GLIS1: variants seen among roughly 807,000 people sequenced by gnomAD.
GLIS1 encodes zinc finger protein GLIS1.
In GLIS1, 24 loss-of-function variants were observed where a neutral mutation model predicts 63.8. The observed-to-expected ratio is 0.38, with a 90% CI of 0.27 to 0.53. The LOEUF is 0.53. Ranked by LOEUF, GLIS1 falls within the 20% of genes least tolerant of loss-of-function variation. The pLI is 0.85. For missense variants in GLIS1, 1,036 were observed against 1,074.1 expected, an observed-to-expected ratio of 0.96 and a Z score of 0.50; for synonymous variants, 450 against 482.5, an observed-to-expected ratio of 0.93 and a Z score of 0.88.
At chr1:53,589,721 C>A (rs1010210839) in intron 4 of GLIS1, among the ~76,000 whole-genome samples, 7 of 152,176 alleles carry the variant, frequency 4.6e-5, no homozygotes, top group South Asian at 2.1e-4. Context: ...AGGATGAAAA[C>A]CCGGCCCGAG....
chr1:53,623,876 C>G (rs1391187101), intron 2 of GLIS1, among the ~76,000 whole-genome samples: 1 of 152,168 alleles, frequency 6.6e-6, no homozygotes, highest in Non-Finnish European at 1.5e-5. Context: ...AGACCTTTCA[C>G]TGCTACTGAG....
intron 2 of GLIS1, among the ~76,000 whole-genome samples, chr1:53,633,301 G>A (rs1171224801): frequency 1.3e-5 from 2 of 149,318 alleles, no homozygotes; most frequent in African/African-American, 5.0e-5. Context: ...AGGGGCGTGT[G>A]AATGAGTGTG....
intron 2 of GLIS1, among the ~76,000 whole-genome samples, chr1:53,730,617 G>C (rs1052761581): frequency 2.6e-5 from 4 of 152,240 alleles, no homozygotes; most frequent in South Asian, 2.1e-4. Flanking sequence ...TGGGCTGTAC[G>C]GCAGGCAGGG....
At chr1:53,678,763 G>A (rs1211922891) in intron 2 of GLIS1, among the ~76,000 whole-genome samples, 2 of 152,216 alleles carry the variant, frequency 1.3e-5, no homozygotes, top group Non-Finnish European at 2.9e-5. Context: ...CAGAGCAAGA[G>A]TGAGGCCTCA....
In GLIS1 at chr1:53,529,884, G is replaced by A. The variant is rs766168379; in HGVS notation, c.1389C>T (p.Gly463=). The A allele has an allele frequency of 3.4e-5, 55 of 1,613,746 alleles. No individual in the cohort carries two copies. The highest frequency in any genetic ancestry group is 2.9e-4 in the East Asian group (13 of 44,876). The change falls in exon 5 of 11, where the codon GGC becomes GGT. Residue 463 remains glycine, a synonymous_variant. Coordinates refer to ENST00000628545, the MANE Select transcript of GLIS1 (RefSeq NM_001367484.1). ...NLKIHLRSHT[G]EKPYLCQHPG... is the part of the protein sequence containing the mutation. ...GGTGCTGGCACAGGTACGGCTTCTC[G>A]CCCGTGTGGCTCCTCAGGTGGATCT...
At chr1:53,687,423 C>G (rs1363471670) in intron 2 of GLIS1, among the ~76,000 whole-genome samples, 1 of 152,176 alleles carries the variant, frequency 6.6e-6, no homozygotes, top group Admixed American at 6.5e-5. Flanking sequence ...ATCTATCACC[C>G]GGTCCAACCA....
intron 4 of GLIS1, among the ~76,000 whole-genome samples, chr1:53,532,798 A>T (rs1644544661): frequency 6.6e-6 from 1 of 152,198 alleles, no homozygotes; most frequent in Non-Finnish European, 1.5e-5. Flanking sequence ...TCGATACATC[A>T]TCTTCTCCCC....
intron 2 of GLIS1, among the ~76,000 whole-genome samples, chr1:53,654,482 C>A (rs1390677838): frequency 1.3e-5 from 2 of 152,050 alleles, no homozygotes; most frequent in African/African-American, 2.4e-5. Flanking sequence ...GTCTGAGTTC[C>A]GGGGAAGATC....
At chr1:53,728,171 T>C (rs1303990137) in intron 2 of GLIS1, among the ~76,000 whole-genome samples, 1 of 152,056 alleles carries the variant, frequency 6.6e-6, no homozygotes, top group Non-Finnish European at 1.5e-5. Context: ...AGCAGGGCTA[T>C]GGCAAAAGGA....
chr1:53,674,966 G>A (rs74368666), intron 2 of GLIS1, among the ~76,000 whole-genome samples: 6,143 of 152,292 alleles, frequency 0.04, 142 homozygotes, highest in South Asian at 0.1. Flanking sequence ...CCCTGCAGGA[G>A]CTGTCACTCA....
chr1:53,516,926 C>T (rs953943056), intron 7 of GLIS1, among the ~76,000 whole-genome samples: 9 of 152,094 alleles, frequency 5.9e-5, no homozygotes, highest in Non-Finnish European at 1.0e-4. Context: ...AAGCACCCTA[C>T]GTTACATTAC....
chr1:53,635,911 A>T (rs1386702736), intron 2 of GLIS1, among the ~76,000 whole-genome samples: 2 of 152,246 alleles, frequency 1.3e-5, no homozygotes, highest in African/African-American at 4.8e-5. Flanking sequence ...CGGAAAAACT[A>T]AATAGTCCAA....
At chr1:53,724,126 G>C (rs2100556926) in intron 2 of GLIS1, among the ~76,000 whole-genome samples, 1 of 152,336 alleles carries the variant, frequency 6.6e-6, no homozygotes, top group South Asian at 2.1e-4. Flanking sequence ...AGGACTGGTA[G>C]CCAGCATGAC....
intron 4 of GLIS1, among the ~76,000 whole-genome samples, chr1:53,593,414 TCA>T (rs1645212222): frequency 6.6e-6 from 1 of 152,274 alleles, no homozygotes; most frequent in African/African-American, 2.4e-5. Flanking sequence ...GCCTGAGTAC[TCA>T]CAGTTAATAT....
At chr1:53,562,379 G>C (rs1644900888) in intron 4 of GLIS1, among the ~76,000 whole-genome samples, 1 of 152,178 alleles carries the variant, frequency 6.6e-6, no homozygotes, top group African/African-American at 2.4e-5. Context: ...ATGAAACTGA[G>C]ATGTCAGAGA....
intron 4 of GLIS1, among the ~76,000 whole-genome samples, chr1:53,556,575 T>TGTGTGTGC (rs1557448900): frequency 2.1e-5 from 3 of 142,130 alleles, no homozygotes; most frequent in Non-Finnish European, 3.0e-5. Flanking sequence ...GGGGTGTGTG[T>TGTGTGTGC]ATGCAGGTGT....
chr1:53,521,924 C>T (rs1291346471), intron 6 of GLIS1, among the ~76,000 whole-genome samples: 1 of 152,248 alleles, frequency 6.6e-6, no homozygotes, highest in Non-Finnish European at 1.5e-5. Context: ...TTCCCCAGGA[C>T]AAAACAGACC....
chr1:53,528,934 C>T lies in GLIS1; in HGVS notation c.1482+857G>A, dbSNP rs78941549. Among the ~76,000 whole-genome samples the T allele has an allele frequency of 2.2e-4, 33 of 152,232 alleles. No individual in the cohort carries two copies. The East Asian group carries it at 6.2e-3, about 29-fold the overall frequency. On this transcript the variant is annotated intron_variant, in intron 5 of 10. Coordinates refer to ENST00000628545, the MANE Select transcript of GLIS1 (RefSeq NM_001367484.1). ...TGGGGGCTGGGGTCCTCCTCAGGCA[C>T]GTGCCCCTCACCCAGGGCCTAGTGT...
chr1:53,630,255 A>AGG (rs1475858132), intron 2 of GLIS1, among the ~76,000 whole-genome samples: 6 of 152,182 alleles, frequency 3.9e-5, no homozygotes, highest in Non-Finnish European at 7.3e-5. Context: ...CCCTGTTGTT[A>AGG]GACATTGAGG....
Sources: gnomAD v4.1 joint callset for allele counts (sites outside exome capture counted in the v4.1 genomes callset) on GRCh38, gnomAD v4.1.1 for gene constraint, MANE v1.5 for transcripts, NCBI Gene and HGNC (gene_info 2026-07-23, HGNC 2026-07-21) for gene names.